Variants in GALNT17 observed in about 807,000 individuals in gnomAD.
GALNT17 encodes the protein UDP-GalNAc:polypeptide N-acetylgalactosaminyltransferase-like 3.
In GALNT17, 29 loss-of-function variants were observed where a neutral mutation model predicts 63.7. The observed-to-expected ratio is 0.46, with a 90% CI of 0.34 to 0.62. The LOEUF is 0.62. Ranked by LOEUF, GALNT17 falls within the 20% of genes least tolerant of loss-of-function variation. GALNT17 has a pLI of 0.01. For synonymous variants in GALNT17, 305 were observed against 318.3 expected (o/e 0.96, Z 0.45); for missense variants, 603 against 799.6 (o/e 0.75, Z 2.97).
chr7:71,161,295 A>G (rs1788337398), intron 1 of GALNT17, among the ~76,000 whole-genome samples: 1 of 151,958 alleles, frequency 6.6e-6, no homozygotes, highest in Non-Finnish European at 1.5e-5. Flanking sequence ...TTTAGTTTTT[A>G]TTTTCTTGAT....
At chr7:71,548,965 A>AGTGGG (rs1436292461) in intron 5 of GALNT17, among the ~76,000 whole-genome samples, 2 of 152,020 alleles carry the variant, frequency 1.3e-5, no homozygotes, top group East Asian at 1.9e-4. Flanking sequence ...GAAGCCAGGG[A>AGTGGG]GTGGGGTGTG....
At chr7:71,620,738 C>T (rs1790277750) in intron 6 of GALNT17, among the ~76,000 whole-genome samples, 1 of 152,074 alleles carries the variant, frequency 6.6e-6, no homozygotes, top group Admixed American at 6.5e-5. Flanking sequence ...CTTTATGCAC[C>T]AAACCTTTTT....
intron 3 of GALNT17, among the ~76,000 whole-genome samples, chr7:71,407,887 G>A (rs1225948918): frequency 6.6e-6 from 1 of 152,170 alleles, no homozygotes; most frequent in Non-Finnish European, 1.5e-5. Flanking sequence ...CAGAAAGCAT[G>A]TTAGTGGTCA....
At chr7:71,201,626 GTT>G (rs35370760) in intron 1 of GALNT17, among the ~76,000 whole-genome samples, 6 of 140,284 alleles carry the variant, frequency 4.3e-5, no homozygotes, top group African/African-American at 1.6e-4. Context: ...TACTTTGCCA[GTT>G]TTTTTTTTTT....
intron 5 of GALNT17, among the ~76,000 whole-genome samples, chr7:71,464,206 T>A (rs1298305019): frequency 6.6e-6 from 1 of 152,212 alleles, no homozygotes; most frequent in African/African-American, 2.4e-5. Context: ...AACAGGATTC[T>A]TGCTAAAGGC....
At chr7:71,283,290 T>A (rs1790811120) in intron 1 of GALNT17, among the ~76,000 whole-genome samples, 1 of 152,144 alleles carries the variant, frequency 6.6e-6, no homozygotes, top group African/African-American at 2.4e-5. Context: ...ATCCTCTTGC[T>A]TCAGCGCTTG....
intron 2 of GALNT17, among the ~76,000 whole-genome samples, chr7:71,378,202 T>C (rs1792780783): frequency 6.6e-6 from 1 of 152,162 alleles, no homozygotes; most frequent in Admixed American, 6.6e-5. Flanking sequence ...TAATGAGGTG[T>C]GTTGTTGCTT....
At chr7:71,170,593 C>G (rs1242666230) in intron 1 of GALNT17, among the ~76,000 whole-genome samples, 2 of 152,084 alleles carry the variant, frequency 1.3e-5, no homozygotes, top group Non-Finnish European at 2.9e-5. Context: ...ACCTCGGCCT[C>G]CCAAAGTGCT....
At chr7:71,580,198 A>G (rs1295216177) in intron 6 of GALNT17, among the ~76,000 whole-genome samples, 2 of 120,148 alleles carry the variant, frequency 1.7e-5, no homozygotes, top group Non-Finnish European at 3.9e-5. Context: ...GATGGATTCG[A>G]TAGATGATTG....
chr7:71,139,842 A>G (rs974379161), intron 1 of GALNT17, among the ~76,000 whole-genome samples: 20 of 152,074 alleles, frequency 1.3e-4, no homozygotes, highest in Non-Finnish European at 2.6e-4. Context: ...AAAATACAAA[A>G]ATAAGCCAGG....
intron 6 of GALNT17, among the ~76,000 whole-genome samples, chr7:71,643,554 C>G (rs914060326): frequency 2.0e-5 from 3 of 152,174 alleles, no homozygotes; most frequent in African/African-American, 7.2e-5. Context: ...AATGACATTC[C>G]TATGTTTTCT....
At chr7:71,343,984 G>A (rs1317950374) in intron 2 of GALNT17, among the ~76,000 whole-genome samples, 2 of 151,706 alleles carry the variant, frequency 1.3e-5, no homozygotes, top group Non-Finnish European at 2.9e-5. Context: ...TTTGACTAAA[G>A]TCTCCAATCT....
intron 9 of GALNT17, among the ~76,000 whole-genome samples, chr7:71,685,948 A>T (rs1319309013): frequency 3.5e-3 from 212 of 59,768 alleles, no homozygotes; most frequent in Middle Eastern, 0.021. Context: ...GGCAATTACT[A>T]TTTTTTTTTT....
At chr7:71,584,976 A>G (rs1275907071) in intron 6 of GALNT17, among the ~76,000 whole-genome samples, 1 of 152,024 alleles carries the variant, frequency 6.6e-6, no homozygotes, top group African/African-American at 2.4e-5. Flanking sequence ...ATTTCATGTC[A>G]TTCATTTGTC....
chr7:71,701,791 ATG>A (rs551475038), intron 9 of GALNT17, among the ~76,000 whole-genome samples: 743 of 39,082 alleles, frequency 0.019, 21 homozygotes, highest in African/African-American at 0.057. Flanking sequence ...GTGTATATAT[ATG>A]TGTGTGTGTG....
intron 5 of GALNT17, among the ~76,000 whole-genome samples, chr7:71,530,559 T>C: frequency 6.7e-6 from 1 of 148,954 alleles, no homozygotes; most frequent in South Asian, 2.1e-4. Flanking sequence ...TATTTATTTA[T>C]TTATTTATTT....
At chr7:71,317,501 T>A (rs1791521216) in intron 1 of GALNT17, among the ~76,000 whole-genome samples, 1 of 152,174 alleles carries the variant, frequency 6.6e-6, no homozygotes, top group East Asian at 1.9e-4. Context: ...AAGGATCGTT[T>A]GAGGCTGGGA....
At chr7:71,669,108 G>A (rs746807756) in intron 7 of GALNT17, among the ~76,000 whole-genome samples, 1 of 152,202 alleles carries the variant, frequency 6.6e-6, no homozygotes, top group African/African-American at 2.4e-5. Flanking sequence ...CATTTGCACA[G>A]CAATGATAAG....
intron 5 of GALNT17, among the ~76,000 whole-genome samples, chr7:71,477,019 C>T (rs1219197188): frequency 6.6e-6 from 1 of 152,096 alleles, no homozygotes; most frequent in Non-Finnish European, 1.5e-5. Context: ...CTCTCCTCTG[C>T]AATGGGTGTT....
Sources: gnomAD v4.1 joint callset for allele counts (sites outside exome capture counted in the v4.1 genomes callset) on GRCh38, gnomAD v4.1.1 for gene constraint, MANE v1.5 for transcripts, NCBI Gene and HGNC (gene_info 2026-07-23, HGNC 2026-07-21) for gene names.